The following CSMD1 variants were observed in gnomAD, a reference collection of about 807,000 sequenced individuals.
The protein encoded by CSMD1 is CUB and sushi domain-containing protein 1.
Under a neutral mutation model 417.5 loss-of-function variants are expected in CSMD1, and 213 were observed. The ratio of observed to expected loss-of-function variants is 0.51; its 90% CI spans 0.46 to 0.57. The LOEUF (loss-of-function observed/expected upper bound fraction) is 0.57, where lower values mean the gene tolerates loss of function less well. Among genes scored for constraint, CSMD1 ranks in the 20% least tolerant of loss-of-function variants. CSMD1 has a pLI of 0.00. For synonymous variants in CSMD1, 2,862 were observed against 1,736.8 expected, an observed-to-expected ratio of 1.65 and a Z score of -16.11; for missense variants, 6,923 against 4,529.7, an observed-to-expected ratio of 1.53 and a Z score of -15.17.
intron 46 of CSMD1, among the ~76,000 whole-genome samples, chr8:3,099,656 T>C (rs941015390): frequency 6.6e-6 from 1 of 152,202 alleles, no homozygotes; most frequent in African/African-American, 2.4e-5. Flanking sequence ...CTTTACTGAG[T>C]TGCTAAAATC....
At chr8:4,259,770 A>T (rs951311970) in intron 3 of CSMD1, among the ~76,000 whole-genome samples, 10 of 152,196 alleles carry the variant, frequency 6.6e-5, no homozygotes, top group Non-Finnish European at 1.0e-4. Context: ...AGAAGAAGAG[A>T]TTAAAAATTT....
intron 20 of CSMD1, among the ~76,000 whole-genome samples, chr8:3,363,042 C>T (rs569173961): frequency 3.3e-5 from 5 of 152,302 alleles, no homozygotes; most frequent in African/African-American, 4.8e-5. Flanking sequence ...ACTAACTTCA[C>T]GTCCCTCCAC....
intron 50 of CSMD1, among the ~76,000 whole-genome samples, chr8:3,038,787 G>C (rs376664028): frequency 3.8e-4 from 58 of 152,112 alleles, no homozygotes; most frequent in African/African-American, 1.4e-3. Flanking sequence ...ACATACTCAA[G>C]CGTAATTTGT....
intron 2 of CSMD1, among the ~76,000 whole-genome samples, chr8:4,620,943 T>C (rs1375309311): frequency 6.6e-6 from 1 of 151,790 alleles, no homozygotes; most frequent in Non-Finnish European, 1.5e-5. Context: ...TAAAATGTGG[T>C]CTTTAAAAAA....
chr8:3,437,466 T>G (rs1347883116), intron 12 of CSMD1, among the ~76,000 whole-genome samples: 1 of 152,280 alleles, frequency 6.6e-6, no homozygotes, highest in East Asian at 1.9e-4. Flanking sequence ...TCACATTTAT[T>G]CTAATGGGAC....
intron 3 of CSMD1, among the ~76,000 whole-genome samples, chr8:4,136,819 T>A (rs575044902): frequency 1.1e-4 from 17 of 152,354 alleles, no homozygotes; most frequent in African/African-American, 3.6e-4. Flanking sequence ...GAAGGGATCC[T>A]GACATCCAAA....
At chr8:3,927,735 G>C (rs1809846009) in intron 5 of CSMD1, among the ~76,000 whole-genome samples, 1 of 152,004 alleles carries the variant, frequency 6.6e-6, no homozygotes, top group South Asian at 2.1e-4. Flanking sequence ...AGAAAAAAAA[G>C]AAGATGCTAA....
chr8:3,188,172 A>G (rs1002937355), intron 35 of CSMD1, among the ~76,000 whole-genome samples: 3 of 145,004 alleles, frequency 2.1e-5, no homozygotes, highest in East Asian at 4.3e-4. Flanking sequence ...CTCCAATGCC[A>G]TAATATTATA....
At chr8:3,792,206 T>C (rs937644644) in intron 5 of CSMD1, among the ~76,000 whole-genome samples, 17 of 152,102 alleles carry the variant, frequency 1.1e-4, no homozygotes, top group Non-Finnish European at 4.4e-5. Flanking sequence ...AGATGGGAGA[T>C]CGCTCAAGCC....
At chr8:4,761,488 CATT>C (rs1427417286) in intron 1 of CSMD1, among the ~76,000 whole-genome samples, 1 of 151,786 alleles carries the variant, frequency 6.6e-6, no homozygotes, top group Non-Finnish European at 1.5e-5. Flanking sequence ...GAATACTAAA[CATT>C]TAATATTGCA....
At chr8:3,549,405 G>T (rs760176938) in intron 10 of CSMD1, among the ~76,000 whole-genome samples, 2 of 152,188 alleles carry the variant, frequency 1.3e-5, no homozygotes, top group Non-Finnish European at 2.9e-5. Context: ...CCTGATGATG[G>T]GAGGCTATGC....
chr8:4,410,246 C>A (rs1430506952), intron 3 of CSMD1, among the ~76,000 whole-genome samples: 2 of 152,324 alleles, frequency 1.3e-5, no homozygotes, highest in East Asian at 1.9e-4. Flanking sequence ...CATGCCAACT[C>A]TCTAAGGTAG....
chr8:2,955,808 T>C (rs770913658), intron 63 of CSMD1, 40 bp from the exon 64 acceptor site: 4 of 1,587,204 alleles, frequency 2.5e-6, no homozygotes, highest in African/African-American at 2.7e-5. Context: ...TTGTTTATTG[T>C]AAAGTTAGCA....
At chr8:4,086,847 C>T (rs1800447556) in intron 3 of CSMD1, among the ~76,000 whole-genome samples, 1 of 152,160 alleles carries the variant, frequency 6.6e-6, no homozygotes, top group Admixed American at 6.5e-5. Context: ...TGTCAAATTT[C>T]ATCACGTTTC....
intron 1 of CSMD1, among the ~76,000 whole-genome samples, chr8:4,970,721 G>A (rs1485682899): frequency 6.6e-6 from 1 of 152,080 alleles, no homozygotes; most frequent in African/African-American, 2.4e-5. Flanking sequence ...CGTGGATTCT[G>A]AAAGAGCAAG....
intron 21 of CSMD1, among the ~76,000 whole-genome samples, chr8:3,356,646 G>C (rs553571460): frequency 1.3e-5 from 2 of 152,338 alleles, no homozygotes; most frequent in African/African-American, 2.4e-5. Flanking sequence ...CTGCACTCCA[G>C]CCTGGGTGAC....
chr8:4,147,225 T>C (rs1804192747), intron 3 of CSMD1, among the ~76,000 whole-genome samples: 1 of 152,078 alleles, frequency 6.6e-6, no homozygotes, highest in Admixed American at 6.6e-5. Flanking sequence ...AAAGCACGCA[T>C]GATTTGACTG....
intron 6 of CSMD1, among the ~76,000 whole-genome samples, chr8:3,751,791 T>C (rs764722254): frequency 1.3e-4 from 20 of 152,114 alleles, no homozygotes; most frequent in Non-Finnish European, 2.8e-4. Context: ...AAATGCCAAG[T>C]TCACTGATCA....
chr8:3,938,782 C>G (rs1329639255), intron 5 of CSMD1, among the ~76,000 whole-genome samples: 1 of 152,180 alleles, frequency 6.6e-6, no homozygotes, highest in Non-Finnish European at 1.5e-5. Context: ...TGTGACACGT[C>G]AGATGAATCC....
Sources: gnomAD v4.1 joint callset for allele counts (sites outside exome capture counted in the v4.1 genomes callset) on GRCh38, gnomAD v4.1.1 for gene constraint, MANE v1.5 for transcripts, NCBI Gene and HGNC (gene_info 2026-07-23, HGNC 2026-07-21) for gene names.